SH2D4A: variants seen among roughly 807,000 people sequenced by gnomAD.
SH2D4A encodes SH2 domain containing 4A.
Under a neutral mutation model 64.7 loss-of-function variants are expected in SH2D4A, and 70 were observed. The observed-to-expected ratio is 1.08, with a 90% confidence interval of 0.89 to 1.32. The LOEUF (loss-of-function observed/expected upper bound fraction) is 1.32, where lower values mean the gene tolerates loss of function less well. Among genes scored for constraint, SH2D4A ranks in the 40% most tolerant of loss-of-function variants. The pLI is 0.00. For missense variants in SH2D4A, 706 were observed against 540.1 expected (o/e 1.31, Z -3.04); for synonymous variants, 268 against 200.7 (o/e 1.34, Z -2.83).
At chr8:19,327,816 C>T (rs1329116520) in intron 2 of SH2D4A, among the ~76,000 whole-genome samples, 11 of 152,208 alleles carry the variant, frequency 7.2e-5, no homozygotes, top group Non-Finnish European at 2.9e-5. Context: ...AACGCCAGAG[C>T]ACACGCTGAC....
chr8:19,374,666 C>G (rs536891632), intron 8 of SH2D4A, among the ~76,000 whole-genome samples: 20 of 152,298 alleles, frequency 1.3e-4, no homozygotes, highest in Admixed American at 1.3e-3. Flanking sequence ...TGTCTGGCGT[C>G]TCTTGGAAGT....
intron 1 of SH2D4A, among the ~76,000 whole-genome samples, chr8:19,318,028 G>A (rs151064998): frequency 2.4e-4 from 36 of 152,176 alleles, no homozygotes; most frequent in African/African-American, 8.4e-4. Flanking sequence ...AGCCTCTTGA[G>A]TAGCTGGGAT....
intron 8 of SH2D4A, among the ~76,000 whole-genome samples, chr8:19,388,906 A>G (rs1321902022): frequency 6.6e-6 from 1 of 152,246 alleles, no homozygotes; most frequent in Non-Finnish European, 1.5e-5. Flanking sequence ...GGGGGAGGGC[A>G]GGACAGTCAT....
chr8:19,394,770 GTA>G lies in SH2D4A; in HGVS notation c.*130_*131del, dbSNP rs879587507. The stretch of plus-strand genomic sequence containing the variant: ...CCAATACTGATCAACTGAAAGTAAA[GTA>G]TCCATGGAGTCCTCATTGACACCTC... On this transcript the variant is annotated 3_prime_UTR_variant, in exon 10 of 10. Coordinates refer to ENST00000265807, the MANE Select transcript of SH2D4A (RefSeq NM_022071.4). The G allele has an allele frequency of 0.019, 7,943 of 412,568 alleles. 103 individuals are homozygous for G. The highest frequency in any genetic ancestry group is 0.038 in the Middle Eastern group (55 of 1,430). The allele number at this position is 412,568 out of a possible 1,614,324, so 25.6% of individuals were successfully genotyped here. A position where few individuals can be genotyped will look rare whatever the true frequency, so the allele number is the denominator to read the frequency against.
chr8:19,394,706 A>T lies in SH2D4A; in HGVS notation c.*64A>T. 1 of 1,326,878 alleles carries T rather than the reference A, an allele frequency of 7.5e-7. No homozygotes were observed. The highest frequency in any genetic ancestry group is 1.0e-6 in the Non-Finnish European group (1 of 959,794). 82.2% of individuals were successfully genotyped at this position (1,326,878 alleles called of 1,614,324 possible). On this transcript the variant is annotated 3_prime_UTR_variant, in exon 10 of 10. Coordinates refer to ENST00000265807, the MANE Select transcript of SH2D4A (RefSeq NM_022071.4). The stretch of plus-strand genomic sequence containing the variant: ...CTTTCCCCTGGACAAATGCCACTGC[A>T]ACATTTATGTGTGAAGCCAAAATCA...
intron 8 of SH2D4A, among the ~76,000 whole-genome samples, chr8:19,383,763 G>A (rs377712854): frequency 1.4e-4 from 21 of 151,702 alleles, no homozygotes; most frequent in South Asian, 8.3e-4. Flanking sequence ...ATAATTTTCC[G>A]CATATATGCA....
At chr8:19,349,183 A>T (rs1174435149) in intron 4 of SH2D4A, among the ~76,000 whole-genome samples, 1 of 152,234 alleles carries the variant, frequency 6.6e-6, no homozygotes, top group Non-Finnish European at 1.5e-5. Flanking sequence ...GTAAAAACAG[A>T]TAAGTAATTA....
chr8:19,367,694 C>A (rs960298330), intron 7 of SH2D4A, among the ~76,000 whole-genome samples: 1 of 152,060 alleles, frequency 6.6e-6, no homozygotes, highest in African/African-American at 2.4e-5. Flanking sequence ...TTGATTGTTT[C>A]CTTTGCTGCA....
chr8:19,361,615 A>G (rs953002631), intron 6 of SH2D4A, among the ~76,000 whole-genome samples: 1 of 152,200 alleles, frequency 6.6e-6, no homozygotes, highest in African/African-American at 2.4e-5. Context: ...GACTGTTTAT[A>G]TCTCATTAGC....
At chr8:19,353,660 C>A (rs1229673488) in intron 4 of SH2D4A, among the ~76,000 whole-genome samples, 1 of 149,314 alleles carries the variant, frequency 6.7e-6, no homozygotes, top group African/African-American at 2.5e-5. Context: ...AGCCACCACA[C>A]CTGGCCTCTA....
intron 2 of SH2D4A, among the ~76,000 whole-genome samples, chr8:19,322,612 CTTTTT>C (rs33946166): frequency 4.7e-5 from 6 of 126,772 alleles, no homozygotes; most frequent in African/African-American, 1.5e-4. Context: ...GTCTATTATT[CTTTTT>C]TTTTTTTTTT....
chr8:19,370,724 T>C (rs139523022), intron 7 of SH2D4A, among the ~76,000 whole-genome samples: 2 of 152,270 alleles, frequency 1.3e-5, no homozygotes, highest in African/African-American at 4.8e-5. Flanking sequence ...AATTTATCCA[T>C]TGATATGCAA....
At chr8:19,336,715 A>G (rs923487445) in intron 4 of SH2D4A, among the ~76,000 whole-genome samples, 1 of 152,052 alleles carries the variant, frequency 6.6e-6, no homozygotes, top group African/African-American at 2.4e-5. Context: ...AAATTAAAAA[A>G]AAACAGCCAA....
chr8:19,386,532 G>A (rs374330167), intron 8 of SH2D4A, among the ~76,000 whole-genome samples: 11 of 152,236 alleles, frequency 7.2e-5, no homozygotes, highest in East Asian at 5.8e-4. Context: ...GGCTGTGCCC[G>A]GGAGCCCCAA....
At chr8:19,322,002 G>A (rs1014404528) in intron 2 of SH2D4A, among the ~76,000 whole-genome samples, 1 of 151,880 alleles carries the variant, frequency 6.6e-6, no homozygotes, top group African/African-American at 2.4e-5. Context: ...AGAAAAGTAT[G>A]TTAATATAAG....
At chr8:19,343,506 T>G (rs571135414) in intron 4 of SH2D4A, among the ~76,000 whole-genome samples, 2 of 151,948 alleles carry the variant, frequency 1.3e-5, no homozygotes, top group African/African-American at 2.4e-5. Flanking sequence ...AAAAAAAAGA[T>G]TAGGTAGTAA....
chr8:19,324,230 G>A (rs1368659059), intron 2 of SH2D4A, among the ~76,000 whole-genome samples: 1 of 152,176 alleles, frequency 6.6e-6, no homozygotes, highest in Non-Finnish European at 1.5e-5. Context: ...GTTTCATGGG[G>A]TCTATGTCAA....
intron 4 of SH2D4A, among the ~76,000 whole-genome samples, chr8:19,348,498 C>A (rs1051909665): frequency 2.0e-5 from 3 of 152,032 alleles, no homozygotes; most frequent in African/African-American, 7.3e-5. Flanking sequence ...TTAAATTTTC[C>A]GTCTTCTATA....
At chr8:19,358,966 C>T (rs1377254080) in intron 5 of SH2D4A, among the ~76,000 whole-genome samples, 1 of 152,258 alleles carries the variant, frequency 6.6e-6, no homozygotes, top group Non-Finnish European at 1.5e-5. Flanking sequence ...CACTCCAAGC[C>T]ATCACCTGGA....
Sources: allele counts gnomAD v4.1 joint callset (sites outside exome capture counted in the v4.1 genomes callset), GRCh38; gene constraint gnomAD v4.1.1; transcripts MANE v1.5; gene names NCBI Gene and HGNC (gene_info 2026-07-23, HGNC 2026-07-21).